Variants in TTLL7 observed in about 807,000 individuals in gnomAD.
TTLL7 encodes the protein tubulin tyrosine ligase like 7.
In TTLL7, 53 loss-of-function variants were observed where a neutral mutation model predicts 120.2. That is an observed-to-expected ratio of 0.44 (90% confidence interval 0.35 to 0.55). The LOEUF is 0.55. TTLL7 is among the 20% of genes least tolerant of loss of function. The pLI is 0.00. For synonymous variants in TTLL7, 353 were observed against 351.7 expected, an observed-to-expected ratio of 1.00 and a Z score of -0.04; for missense variants, 803 against 1,054.7, an observed-to-expected ratio of 0.76 and a Z score of 3.31.
Position 83,920,387 on chromosome 1 carries a change from G to A in TTLL7, c.1365-553C>T, listed in dbSNP as rs529487267. On this transcript the variant is annotated intron_variant, in intron 12 of 20. Coordinates refer to ENST00000260505, the MANE Select transcript of TTLL7 (RefSeq NM_024686.6). ...GTTACTGAAGTATACAAAAATGTAA[G>A]CAGTGGTTCTGATGATCTCTTTTGT... The A allele has an allele frequency of 2.0e-5, 3 of 152,584 alleles. No individual in the cohort carries two copies. In the South Asian group the frequency reaches 6.2e-4, roughly 32 times the overall value. The allele number at this position is 152,584 out of a possible 1,614,324, so 9.5% of individuals were successfully genotyped here.
intron 20 of TTLL7, among the ~76,000 whole-genome samples, chr1:83,871,018 A>G (rs939878531): frequency 6.7e-6 from 1 of 149,022 alleles, no homozygotes; most frequent in African/African-American, 2.4e-5. Flanking sequence ...ATGGTGATTT[A>G]TATATATTAT....
At chr1:83,890,970 C>A (rs751599534) in intron 18 of TTLL7, among the ~76,000 whole-genome samples, 1 of 151,926 alleles carries the variant, frequency 6.6e-6, no homozygotes, top group Non-Finnish European at 1.5e-5. Flanking sequence ...TAAAAAGAAT[C>A]AACTCTAGAG....
chr1:83,982,959 C>A (rs979543527), intron 1 of TTLL7, among the ~76,000 whole-genome samples: 1 of 152,072 alleles, frequency 6.6e-6, no homozygotes, highest in Admixed American at 6.6e-5. Flanking sequence ...AATACAAAGA[C>A]CAATGGAACA....
At chr1:83,967,840 G>A (rs1650615274) in intron 1 of TTLL7, among the ~76,000 whole-genome samples, 1 of 151,752 alleles carries the variant, frequency 6.6e-6, no homozygotes, top group African/African-American at 2.4e-5. Flanking sequence ...GAGGAGTTCA[G>A]CAATTCTTCT....
At position 83,873,457 on chromosome 1, in the gene TTLL7, G is replaced by A. The variant is rs139410607; in HGVS notation, c.2544-3375C>T. Reference sequence around the variant, plus strand: ...GACTATCTCATGGAAGTGGGTTTACGGATTAAAGAATTTGTGTAAAGCACT... The same window carrying A: ...GACTATCTCATGGAAGTGGGTTTACAGATTAAAGAATTTGTGTAAAGCACT... On this transcript the variant is annotated intron_variant, in intron 20 of 20. Coordinates refer to ENST00000260505, the MANE Select transcript of TTLL7 (RefSeq NM_024686.6). Among the ~76,000 whole-genome samples, 27 of 152,102 alleles carry A rather than the reference G, an allele frequency of 1.8e-4. No homozygotes were observed. The East Asian group carries it at 4.4e-3, about 25-fold the overall frequency.
At chr1:83,870,180 A>C (rs1653230673) in intron 20 of TTLL7, 98 bp from the exon 21 acceptor site, 1 of 1,149,360 alleles carries the variant, frequency 8.7e-7, no homozygotes, top group Admixed American at 3.6e-5. Flanking sequence ...CTATATGAGA[A>C]ATGTTACTGT....
intron 1 of TTLL7, among the ~76,000 whole-genome samples, chr1:83,972,417 T>C (rs1011692579): frequency 6.6e-6 from 1 of 152,096 alleles, no homozygotes; most frequent in African/African-American, 2.4e-5. Flanking sequence ...TAAGGTTCCA[T>C]GTCTTTCTAT....
chr1:83,930,112 G>A (rs997326040), intron 9 of TTLL7, among the ~76,000 whole-genome samples: 2 of 151,950 alleles, frequency 1.3e-5, no homozygotes, highest in Non-Finnish European at 2.9e-5. Context: ...TAAAACTAAG[G>A]AAAACAAATA....
chr1:83,890,219 T>A (rs1655347681), intron 19 of TTLL7, 102 bp downstream of exon 19: 4 of 1,202,454 alleles, frequency 3.3e-6, no homozygotes, highest in Non-Finnish European at 4.6e-6. Flanking sequence ...GTAAAAGAAA[T>A]CCATATTTTA....
At chr1:83,970,840 G>C (rs1042904889) in intron 1 of TTLL7, among the ~76,000 whole-genome samples, 5 of 152,036 alleles carry the variant, frequency 3.3e-5, no homozygotes, top group Admixed American at 2.6e-4. Context: ...GATAATGACA[G>C]CTTCATGGTG....
rs140102585 is a variant in TTLL7, at chr1:83,998,188, T to G, written c.-177+743A>C. Among the ~76,000 whole-genome samples, 5 of 152,310 alleles carry G rather than the reference T, an allele frequency of 3.3e-5. No individual in the cohort carries two copies. The East Asian group carries it at 9.7e-4, about 29-fold the overall frequency. On this transcript the variant is annotated intron_variant, in intron 1 of 20. Transcript: ENST00000260505. ...TTCCTGTTCTGTGACCTTGAGAATG[T>G]AATTTAACTTCCCTGCTCCTCAGTT...
intron 1 of TTLL7, among the ~76,000 whole-genome samples, chr1:83,996,584 T>C (rs1002769617): frequency 6.6e-6 from 1 of 152,208 alleles, no homozygotes; most frequent in African/African-American, 2.4e-5. Context: ...AAGGTACCGC[T>C]ATAGCAGTAG....
rs1373289058 is a variant in TTLL7, at chr1:83,907,516, A to G, written c.1932T>C (p.Ala644=). The change falls in exon 16 of 21, where the codon GCT becomes GCC. Residue 644 remains alanine (A), a synonymous_variant. Transcript: ENST00000260505. ...SASRSHSLNR[A]SSYMRHLPHS... ...GAGGCAGATGCCTCATGTAGGAGGAAGCACGGTTTAAGGAATGTGACCGAG... is the reference window on the plus strand; with the variant it reads ...GAGGCAGATGCCTCATGTAGGAGGAGGCACGGTTTAAGGAATGTGACCGAG... 1 of 1,613,210 alleles carries G rather than the reference A, an allele frequency of 6.2e-7. No individual in the cohort carries two copies. The highest frequency in any genetic ancestry group is 2.2e-5 in the East Asian group (1 of 44,848).
intron 6 of TTLL7, among the ~76,000 whole-genome samples, chr1:83,945,183 C>T (rs1463187160): frequency 6.6e-6 from 1 of 152,122 alleles, no homozygotes; most frequent in East Asian, 1.9e-4. Context: ...AATAGATTAA[C>T]TCTCCAATAA....
At chr1:83,945,792 G>A (rs775424091) in intron 6 of TTLL7, among the ~76,000 whole-genome samples, 17 of 151,580 alleles carry the variant, frequency 1.1e-4, no homozygotes, top group Non-Finnish European at 1.5e-4. Flanking sequence ...CATTAAAATT[G>A]AGAAAAATGT....
At position 83,998,917 on chromosome 1, in the gene TTLL7, C is replaced by A. The variant is rs945549194; in HGVS notation, c.-177+14G>T. On this transcript the variant is annotated intron_variant, in intron 1 of 20. Transcript: ENST00000260505. The stretch of plus-strand genomic sequence containing the variant: ...GAAGGGGGTCGGGGGAGGATGGCGG[C>A]AGCAGGTACTCACCCGGGTGAGGAA... 7 of 390,786 alleles carry A rather than the reference C, an allele frequency of 1.8e-5. No homozygotes were observed. Among genetic ancestry groups the A allele is most frequent in the African/African-American group, 1.5e-4 (7 of 46,158 alleles). The allele number at this position is 390,786 out of a possible 1,614,324, so 24.2% of individuals were successfully genotyped here.
intron 4 of TTLL7, 89 bp downstream of exon 4, chr1:83,949,776 G>T: frequency 6.9e-7 from 1 of 1,439,226 alleles, no homozygotes; most frequent in Non-Finnish European, 9.6e-7. Context: ...AATGTAATAA[G>T]GCAACATATT....
chr1:83,915,757 A>G (rs574128029), intron 14 of TTLL7, among the ~76,000 whole-genome samples: 12 of 151,948 alleles, frequency 7.9e-5, no homozygotes, highest in Non-Finnish European at 1.3e-4. Context: ...ACAAAGGGCT[A>G]ATATCCAGAA....
chr1:83,896,566 C>A (rs1656241584), intron 18 of TTLL7, among the ~76,000 whole-genome samples: 1 of 152,086 alleles, frequency 6.6e-6, no homozygotes, highest in African/African-American at 2.4e-5. Context: ...AGGGTAAAGG[C>A]ATCTTTGCTG....
Sources: allele counts gnomAD v4.1 joint callset (sites outside exome capture counted in the v4.1 genomes callset), GRCh38; gene constraint gnomAD v4.1.1; transcripts MANE v1.5; gene names NCBI Gene and HGNC (gene_info 2026-07-23, HGNC 2026-07-21).